Variants in KCNQ5 observed in about 807,000 individuals in gnomAD.
The protein encoded by KCNQ5 is potassium voltage-gated channel subfamily KQT member 5.
A neutral mutation model predicts 98.2 loss-of-function variants in KCNQ5; 30 were observed. The observed-to-expected ratio is 0.31, with a 90% CI of 0.23 to 0.41. The LOEUF (loss-of-function observed/expected upper bound fraction) is 0.41. KCNQ5 is among the 10% of genes least tolerant of loss of function. KCNQ5 has a pLI of 1.00. For synonymous variants in KCNQ5, 458 were observed against 449.4 expected, an observed-to-expected ratio of 1.02 and a Z score of -0.24; for missense variants, 835 against 1,182.5, an observed-to-expected ratio of 0.71 and a Z score of 4.31.
chr6:72,738,972 G>A (rs1770991917), intron 1 of KCNQ5, among the ~76,000 whole-genome samples: 1 of 152,186 alleles, frequency 6.6e-6, no homozygotes, highest in Non-Finnish European at 1.5e-5. Flanking sequence ...CTATTATTAT[G>A]TGAATATGTT....
intron 1 of KCNQ5, among the ~76,000 whole-genome samples, chr6:72,692,518 G>C (rs1422206298): frequency 6.6e-6 from 1 of 152,200 alleles, no homozygotes; most frequent in East Asian, 1.9e-4. Flanking sequence ...TCAGCTAGAG[G>C]AATCAGTGGG....
chr6:72,692,469 TA>T (rs1482430320), intron 1 of KCNQ5, among the ~76,000 whole-genome samples: 2 of 152,244 alleles, frequency 1.3e-5, no homozygotes, highest in African/African-American at 4.8e-5. Flanking sequence ...TTCCTTCCTC[TA>T]CACTTCTAGA....
At chr6:72,977,371 T>C (rs1160911561) in intron 1 of KCNQ5, among the ~76,000 whole-genome samples, 4 of 152,150 alleles carry the variant, frequency 2.6e-5, no homozygotes, top group Admixed American at 2.0e-4. Context: ...CAGCATGATA[T>C]TGTGCAGGAA....
chr6:72,692,263 G>A (rs1768248352), intron 1 of KCNQ5, among the ~76,000 whole-genome samples: 1 of 152,206 alleles, frequency 6.6e-6, no homozygotes, highest in Admixed American at 6.5e-5. Flanking sequence ...TACACTGTAA[G>A]CTATAATCAA....
intron 7 of KCNQ5, among the ~76,000 whole-genome samples, chr6:73,120,083 C>CAAAA (rs66484208): frequency 7.2e-6 from 1 of 138,034 alleles, no homozygotes; most frequent in African/African-American, 2.7e-5. Context: ...ACTAAAAGTA[C>CAAAA]AAAAAAAAAA....
At chr6:72,893,836 C>A (rs903043392) in intron 1 of KCNQ5, among the ~76,000 whole-genome samples, 6 of 152,146 alleles carry the variant, frequency 3.9e-5, no homozygotes, top group African/African-American at 1.2e-4. Flanking sequence ...TGCCTCTACT[C>A]CAAGCTCCTG....
chr6:72,807,886 A>G (rs766187426), intron 1 of KCNQ5, among the ~76,000 whole-genome samples: 7 of 152,214 alleles, frequency 4.6e-5, no homozygotes, highest in Non-Finnish European at 7.4e-5. Flanking sequence ...AGGAAGCTGC[A>G]AGCGCAAATC....
At chr6:73,024,759 A>T (rs1041095553) in intron 2 of KCNQ5, among the ~76,000 whole-genome samples, 1 of 152,208 alleles carries the variant, frequency 6.6e-6, no homozygotes, top group Admixed American at 6.5e-5. Flanking sequence ...ATTCAAGGAG[A>T]TTCACTTTCC....
At chr6:72,964,967 C>T (rs9446795) in intron 1 of KCNQ5, among the ~76,000 whole-genome samples, 133,337 of 152,124 alleles carry the variant, frequency 0.88, 58,811 homozygotes, top group Non-Finnish European at 0.93. Flanking sequence ...TTTTGGTTTA[C>T]GTTTTATTTA....
intron 1 of KCNQ5, among the ~76,000 whole-genome samples, chr6:72,736,982 A>G (rs915014653): frequency 2.0e-5 from 3 of 151,422 alleles, no homozygotes; most frequent in Admixed American, 2.0e-4. Context: ...TTTGAGATGG[A>G]GTCTCACTCA....
intron 11 of KCNQ5, among the ~76,000 whole-genome samples, chr6:73,182,356 A>G (rs1053079060): frequency 6.6e-6 from 1 of 152,224 alleles, no homozygotes; most frequent in African/African-American, 2.4e-5. Context: ...TTATAGAAGA[A>G]GCTTTCTGGC....
chr6:72,792,477 A>C (rs541792585), intron 1 of KCNQ5, among the ~76,000 whole-genome samples: 1 of 152,336 alleles, frequency 6.6e-6, no homozygotes, highest in South Asian at 2.1e-4. Context: ...AACTTTAAGA[A>C]AGTCTGGACT....
chr6:72,952,167 T>G (rs1766837207), intron 1 of KCNQ5, among the ~76,000 whole-genome samples: 1 of 152,228 alleles, frequency 6.6e-6, no homozygotes, highest in South Asian at 2.1e-4. Flanking sequence ...ATAGTTGATG[T>G]GTCACACAAC....
In KCNQ5 at chr6:73,157,784, T is replaced by C. The variant is rs554605991; in HGVS notation, c.1469-11962T>C. 1.1e-3 allele frequency: 838 copies of C among 778,922 alleles called. 9 individuals carry two copies. The highest frequency in any genetic ancestry group is 5.0e-3 in the South Asian group (372 of 74,566). 48.3% of individuals were successfully genotyped at this position (778,922 alleles called of 1,614,324 possible). A position where few individuals can be genotyped will look rare whatever the true frequency, so the allele number is the denominator to read the frequency against. On this transcript the variant is annotated intron_variant, in intron 10 of 13. Transcript: ENST00000370398. ...TAGGTGGGGTGCATGTTGGTGGGAT[T>C]TGGAGTTGCCATTAGCTTGCTCTTG...
intron 1 of KCNQ5, among the ~76,000 whole-genome samples, chr6:72,996,004 A>G (rs954071497): frequency 1.3e-5 from 2 of 152,240 alleles, no homozygotes; most frequent in Non-Finnish European, 2.9e-5. Context: ...GGCTGCTTAC[A>G]TAATATATGC....
intron 1 of KCNQ5, among the ~76,000 whole-genome samples, chr6:72,885,183 T>C (rs1778802799): frequency 6.6e-6 from 1 of 152,248 alleles, no homozygotes; most frequent in Admixed American, 6.5e-5. Context: ...GTCAGCTTCA[T>C]AAGTGCAGGG....
At chr6:73,170,430 AC>A (rs1174103774) in intron 11 of KCNQ5, among the ~76,000 whole-genome samples, 7,304 of 93,372 alleles carry the variant, frequency 0.078, 650 homozygotes, top group African/African-American at 0.37. Context: ...CCACACACAC[AC>A]ACACACACAC....
intron 1 of KCNQ5, among the ~76,000 whole-genome samples, chr6:72,950,689 G>A (rs1056598652): frequency 6.8e-6 from 1 of 146,296 alleles, no homozygotes; most frequent in African/African-American, 2.5e-5. Flanking sequence ...TGTGTCGGAG[G>A]GCATTGGAGG....
At chr6:72,787,354 A>T (rs78139685) in intron 1 of KCNQ5, among the ~76,000 whole-genome samples, 4,859 of 152,302 alleles carry the variant, frequency 0.032, 250 homozygotes, top group African/African-American at 0.11. Flanking sequence ...GAATAGTTAC[A>T]ACAGAGACCA....
Sources: allele counts gnomAD v4.1 joint callset (sites outside exome capture counted in the v4.1 genomes callset), GRCh38; gene constraint gnomAD v4.1.1; transcripts MANE v1.5; gene names NCBI Gene and HGNC (gene_info 2026-07-23, HGNC 2026-07-21).